Variants in HOOK3 observed in about 807,000 individuals in gnomAD.
HOOK3 encodes hook microtubule tethering protein 3.
A neutral mutation model predicts 116.3 loss-of-function variants in HOOK3; 24 were observed. The observed-to-expected ratio is 0.21, with a 90% CI of 0.15 to 0.29. HOOK3 has a LOEUF of 0.29. HOOK3 is among the 10% of genes least tolerant of loss of function. The pLI, the probability that HOOK3 is intolerant of heterozygous loss-of-function variation, is 1.00. For synonymous variants in HOOK3, 275 were observed against 283.0 expected (o/e 0.97, Z 0.28); for missense variants, 632 against 830.2 (o/e 0.76, Z 2.93).
chr8:43,028,116 T>C lies in HOOK3; in HGVS notation c.*9618T>C. 5.3e-6 allele frequency: 1 copy of C among 187,818 alleles called. No homozygotes were observed. 11.6% of individuals were successfully genotyped at this position (187,818 alleles called of 1,614,324 possible). A position where few individuals can be genotyped will look rare whatever the true frequency, so the allele number is the denominator to read the frequency against. On this transcript the variant is annotated 3_prime_UTR_variant, in exon 22 of 22. Transcript: ENST00000307602. ...CTAAGAACAGATTCTCAATACTTTA[T>C]TTTTCAAGTGATAAAATCATTTTAT...
chr8:42,948,226 CTT>C (rs893693998), intron 5 of HOOK3, among the ~76,000 whole-genome samples: 1 of 152,154 alleles, frequency 6.6e-6, no homozygotes, highest in African/African-American at 2.4e-5. Flanking sequence ...CACATTTAAA[CTT>C]AATACTCCCT....
At chr8:42,970,719 T>C (rs1434211466) in intron 11 of HOOK3, among the ~76,000 whole-genome samples, 2 of 151,992 alleles carry the variant, frequency 1.3e-5, no homozygotes, top group Non-Finnish European at 2.9e-5. Flanking sequence ...ATATTACTTC[T>C]GATAATGTCT....
At chr8:42,942,303 C>T (rs955439354) in intron 4 of HOOK3, among the ~76,000 whole-genome samples, 4 of 152,086 alleles carry the variant, frequency 2.6e-5, no homozygotes, top group African/African-American at 9.7e-5. Flanking sequence ...CCTCCAAAAC[C>T]CCTATTACTT....
chr8:42,907,081 A>G (rs1447614812), intron 2 of HOOK3, among the ~76,000 whole-genome samples: 1 of 152,232 alleles, frequency 6.6e-6, no homozygotes, highest in Non-Finnish European at 1.5e-5. Context: ...TTTAAAATAA[A>G]GGATTATGTG....
intron 15 of HOOK3, among the ~76,000 whole-genome samples, chr8:42,988,344 T>C (rs1586623577): frequency 2.0e-5 from 3 of 152,218 alleles, no homozygotes; most frequent in Non-Finnish European, 4.4e-5. Context: ...TTAGCCATTT[T>C]AGACAGAAAA....
chr8:42,966,401 T>G lies in HOOK3; in HGVS notation c.780-72T>G, dbSNP rs1808633545. 2.3e-5 allele frequency: 34 copies of G among 1,485,144 alleles called. No individual in the cohort carries two copies. The South Asian group carries it at 4.1e-4, about 18-fold the overall frequency. 92.0% of individuals were successfully genotyped at this position (1,485,144 alleles called of 1,614,324 possible). ...GCTTTATTCTCATGCTTTATATCTTTCTTTTACTGTTCTAAGGAGAATGAG... is the reference window on the plus strand; with the variant it reads ...GCTTTATTCTCATGCTTTATATCTTGCTTTTACTGTTCTAAGGAGAATGAG... On this transcript the variant is annotated intron_variant, in intron 9 of 21. Coordinates refer to ENST00000307602, the MANE Select transcript of HOOK3 (RefSeq NM_032410.4).
At chr8:42,977,809 G>A (rs953656768) in intron 13 of HOOK3, among the ~76,000 whole-genome samples, 4 of 152,178 alleles carry the variant, frequency 2.6e-5, no homozygotes, top group African/African-American at 9.7e-5. Context: ...GGATGCCACA[G>A]TGAGCTGAAA....
At chr8:42,909,939 G>A (rs574938519) in intron 2 of HOOK3, among the ~76,000 whole-genome samples, 5 of 152,306 alleles carry the variant, frequency 3.3e-5, no homozygotes, top group African/African-American at 9.6e-5. Flanking sequence ...GCGGGGGGCC[G>A]AGGGGAATGG....
At position 42,906,082 on chromosome 8, in the gene HOOK3, G is replaced by A. The variant is rs536286799; in HGVS notation, c.58-91G>A. The A allele has an allele frequency of 9.8e-4, 817 of 832,748 alleles. 12 individuals carry two copies. In the South Asian group the frequency reaches 0.011, roughly 11 times the overall value. 51.6% of individuals were successfully genotyped at this position (832,748 alleles called of 1,614,324 possible). A position where few individuals can be genotyped will look rare whatever the true frequency, so the allele number is the denominator to read the frequency against. On this transcript the variant is annotated intron_variant, in intron 1 of 21. Transcript: ENST00000307602. ...AGCCTGGGTGACAGGGCTAGACTCC[G>A]TCTCCAAAAAAAAAAAAAAAAAAGG...
In HOOK3 at chr8:42,968,178, C is replaced by G. The variant is rs147428323; in HGVS notation, c.1086C>G (p.Asn362Lys). The G allele has an allele frequency of 1.4e-5, 23 of 1,613,742 alleles. No homozygotes were observed. The highest frequency in any genetic ancestry group is 1.9e-5 in the Non-Finnish European group (23 of 1,179,884). Reference sequence around the variant, plus strand: ...TAGAGGAAGAGTTAAGAAAGGCCAACGCAGCGCGAAGTCAACTTGAAACCT... The same window carrying G: ...TAGAGGAAGAGTTAAGAAAGGCCAAGGCAGCGCGAAGTCAACTTGAAACCT... ...VSLEEELRKA[N>K]AARSQLETYK... The change falls in exon 11 of 22, where the codon AAC (asparagine) becomes AAG (lysine). Residue 362 changes from asparagine (N) to lysine (K), a missense_variant. Physicochemically the swap from Asn to Lys is moderately conservative, Grantham distance 94. Around this residue, in one of 3 missense-constraint regions of HOOK3, gnomAD observed 483 missense variants for 648.1 expected, o/e 0.75. Coordinates refer to ENST00000307602, the MANE Select transcript of HOOK3 (RefSeq NM_032410.4).
rs1032711723 is a variant in HOOK3, at chr8:42,933,753, G to T, written c.267+3581G>T. Among the ~76,000 whole-genome samples the T allele has an allele frequency of 7.2e-5, 11 of 152,288 alleles. No individual in the cohort carries two copies. The East Asian group carries it at 1.7e-3, about 24-fold the overall frequency. On this transcript the variant is annotated intron_variant, in intron 4 of 21. Transcript: ENST00000307602. ...TTACACTGTGGTTTAGTTGAATATG[G>T]AATTCCAGGTTGGAAGTCATTCCTC...
At chr8:42,990,146 C>T (rs939242423) in intron 15 of HOOK3, among the ~76,000 whole-genome samples, 2 of 151,744 alleles carry the variant, frequency 1.3e-5, no homozygotes, top group African/African-American at 4.8e-5. Flanking sequence ...TAGGTACACA[C>T]CACCATGCCT....
intron 19 of HOOK3, among the ~76,000 whole-genome samples, 153 bp from the exon 20 acceptor site, chr8:43,012,898 G>C (rs2130490156): frequency 6.6e-6 from 1 of 152,216 alleles, no homozygotes; most frequent in South Asian, 2.1e-4. Context: ...CACCACTCCA[G>C]GCCGCATTTA....
chr8:42,933,636 G>C (rs1329404213), intron 4 of HOOK3, among the ~76,000 whole-genome samples: 1 of 152,046 alleles, frequency 6.6e-6, no homozygotes, highest in Non-Finnish European at 1.5e-5. Flanking sequence ...TTCATGTTTT[G>C]GTAGAGCCCA....
intron 1 of HOOK3, among the ~76,000 whole-genome samples, chr8:42,901,760 G>A (rs942066373): frequency 2.0e-5 from 3 of 152,176 alleles, no homozygotes; most frequent in East Asian, 1.9e-4. Context: ...TGCCCAGGCT[G>A]GAGTGCAGTG....
At chr8:42,959,447 A>C (rs1808496230) in intron 8 of HOOK3, 133 bp downstream of exon 8, 1 of 592,558 alleles carries the variant, frequency 1.7e-6, no homozygotes. Flanking sequence ...GGCTGGGCGC[A>C]GTGGCTCACA....
At chr8:42,996,434 C>T (rs1268225623) in intron 15 of HOOK3, among the ~76,000 whole-genome samples, 2 of 151,716 alleles carry the variant, frequency 1.3e-5, no homozygotes, top group African/African-American at 2.4e-5. Context: ...AAAGTCAAGC[C>T]GTGGAATCAG....
intron 6 of HOOK3, among the ~76,000 whole-genome samples, chr8:42,956,654 G>A (rs1158223217): frequency 1.3e-5 from 2 of 151,928 alleles, no homozygotes; most frequent in Non-Finnish European, 1.5e-5. Context: ...GCACCATCTC[G>A]GCTCACTGCA....
At chr8:43,000,399 C>G in intron 16 of HOOK3, 1 of 498,082 alleles carries the variant, frequency 2.0e-6, no homozygotes, top group Non-Finnish European at 3.6e-6. Flanking sequence ...ATCTGGATTA[C>G]TTGCCTCATA....
Sources: gnomAD v4.1 joint callset for allele counts (sites outside exome capture counted in the v4.1 genomes callset) on GRCh38, gnomAD v4.1.1 for gene constraint, gnomAD v4.1.1 regional missense constraint, MANE v1.5 for transcripts, NCBI Gene and HGNC (gene_info 2026-07-23, HGNC 2026-07-21) for gene names.